EPHB2: variants seen among roughly 807,000 people sequenced by gnomAD.
The protein encoded by EPHB2 is EPH receptor B2.
In EPHB2, 18 loss-of-function variants were observed where a neutral mutation model predicts 96.4. The observed-to-expected ratio is 0.19, with a 90% CI of 0.13 to 0.28. The LOEUF is 0.28. Among genes scored for constraint, EPHB2 ranks in the 10% least tolerant of loss-of-function variants. The pLI is 1.00. For missense variants in EPHB2, 989 were observed against 1,355.4 expected, an observed-to-expected ratio of 0.73 and a Z score of 4.25; for synonymous variants, 506 against 534.1, an observed-to-expected ratio of 0.95 and a Z score of 0.72.
At chr1:22,808,074 C>A (rs1644951767) in intron 3 of EPHB2, among the ~76,000 whole-genome samples, 1 of 151,152 alleles carries the variant, frequency 6.6e-6, no homozygotes, top group Admixed American at 6.6e-5. Context: ...ACGGAGGTTG[C>A]AGTGAGCCGA....
At chr1:22,727,405 TC>T (rs774284020) in intron 1 of EPHB2, among the ~76,000 whole-genome samples, 10 of 152,314 alleles carry the variant, frequency 6.6e-5, no homozygotes, top group Non-Finnish European at 7.4e-5. Flanking sequence ...GCCCCACAGC[TC>T]CCAGGGGGCT....
intron 6 of EPHB2, 54 bp downstream of exon 6, chr1:22,882,537 C>T (rs1049342098): frequency 5.0e-5 from 81 of 1,608,668 alleles, no homozygotes; most frequent in Non-Finnish European, 6.8e-5. Context: ...GGGCCCCTCT[C>T]CCAGGCTGAG....
chr1:22,717,964 G>GC (rs1186837911), intron 1 of EPHB2, among the ~76,000 whole-genome samples: 1 of 152,194 alleles, frequency 6.6e-6, no homozygotes, highest in African/African-American at 2.4e-5. Context: ...ATGGTTGTGA[G>GC]CAATGGATGT....
chr1:22,744,378 G>T (rs754517773), intron 1 of EPHB2, among the ~76,000 whole-genome samples: 2 of 151,304 alleles, frequency 1.3e-5, no homozygotes, highest in East Asian at 3.9e-4. Flanking sequence ...GCCTACTGTC[G>T]ACCAGAAGCC....
intron 5 of EPHB2, among the ~76,000 whole-genome samples, chr1:22,873,341 C>T (rs1289872506): frequency 1.3e-5 from 2 of 152,226 alleles, no homozygotes; most frequent in Non-Finnish European, 2.9e-5. Context: ...AACAACTCTG[C>T]TCCAACATGT....
rs1299839808 is a variant in EPHB2, at chr1:22,733,346, G to A, written c.61+22303G>A. Among the ~76,000 whole-genome samples the A allele has an allele frequency of 6.6e-6, 1 of 152,134 alleles. No individual in the cohort carries two copies. Among genetic ancestry groups the A allele is most frequent in the African/African-American group, 2.4e-5 (1 of 41,412 alleles). The stretch of plus-strand genomic sequence containing the variant: ...TTGCAGGCGTGAACCACTGTGGCTG[G>A]CCCAGGCTGCCTTTCTAACCAGCCT... On this transcript the variant is annotated intron_variant, in intron 1 of 15. Coordinates refer to ENST00000374630, the MANE Select transcript of EPHB2 (RefSeq NM_017449.5). This position sits in a 1 kb window ranked among gnomAD's most constrained non-coding sequence, Gnocchi z 4.6.
At chr1:22,830,425 T>C (rs774053508) in intron 3 of EPHB2, among the ~76,000 whole-genome samples, 12 of 152,182 alleles carry the variant, frequency 7.9e-5, no homozygotes, top group Non-Finnish European at 1.5e-4. Context: ...TATTGCTGAG[T>C]ACACTGGGCA....
chr1:22,902,940 G>A (rs964643753), intron 9 of EPHB2, among the ~76,000 whole-genome samples: 1 of 152,238 alleles, frequency 6.6e-6, no homozygotes, highest in African/African-American at 2.4e-5. Context: ...AAAAGAAAGA[G>A]AGAGTGTTCC....
chr1:22,881,012 C>T (rs1468922508), intron 5 of EPHB2, among the ~76,000 whole-genome samples: 2 of 152,200 alleles, frequency 1.3e-5, no homozygotes, highest in Non-Finnish European at 2.9e-5. Context: ...TGGCTCACGC[C>T]TGTAATCCCA....
rs189812186 is a variant in EPHB2, at chr1:22,819,097, C to T, written c.811+34021C>T. The stretch of plus-strand genomic sequence containing the variant: ...TGAGACCTTAGGATAGTGTCTTCCC[C>T]TCTCTGTGCCTTTGCTGCCGAGGAG... On this transcript the variant is annotated intron_variant, in intron 3 of 15. Transcript: ENST00000374630. Among the ~76,000 whole-genome samples, 326 of 152,268 alleles carry T rather than the reference C, an allele frequency of 2.1e-3. 2 individuals are homozygous for T. The highest frequency in any genetic ancestry group is 7.5e-3 in the African/African-American group (310 of 41,550).
rs79513306 is a variant in EPHB2 at position 22,720,674 on chromosome 1, G to A, written c.61+9631G>A. ...AGAAATCTCATTCCCCCCCCCCCCCGCCCCAGCACTTACCCCCGAATTGTC... is the reference window on the plus strand; with the variant it reads ...AGAAATCTCATTCCCCCCCCCCCCCACCCCAGCACTTACCCCCGAATTGTC... On this transcript the variant is annotated intron_variant, in intron 1 of 15. Coordinates refer to ENST00000374630, the MANE Select transcript of EPHB2 (RefSeq NM_017449.5). Among the ~76,000 whole-genome samples, 20 of 51,208 alleles carry A rather than the reference G, an allele frequency of 3.9e-4. No individual in the cohort carries two copies. In the South Asian group the frequency reaches 0.012, roughly 31 times the overall value. The allele number at this position is 51,208 out of a possible 152,430, so 33.6% of individuals were successfully genotyped here.
At chr1:22,726,752 T>TA (rs1424643605) in intron 1 of EPHB2, among the ~76,000 whole-genome samples, 1 of 152,122 alleles carries the variant, frequency 6.6e-6, no homozygotes, top group Non-Finnish European at 1.5e-5. Context: ...ATTTTGCAGG[T>TA]AAAAAAGCAG....
At chr1:22,804,769 CCCG>C (rs1462390025) in intron 3 of EPHB2, among the ~76,000 whole-genome samples, 1 of 151,986 alleles carries the variant, frequency 6.6e-6, no homozygotes, top group Non-Finnish European at 1.5e-5. Flanking sequence ...TCTCTTTGCC[CCCG>C]CCTCTGTCCC....
intron 1 of EPHB2, among the ~76,000 whole-genome samples, chr1:22,731,163 T>C (rs191399300): frequency 3.3e-5 from 5 of 152,314 alleles, no homozygotes; most frequent in Admixed American, 3.3e-4. Flanking sequence ...TGTAAATTGA[T>C]AATGTATTGA....
intron 9 of EPHB2, among the ~76,000 whole-genome samples, chr1:22,896,969 A>T (rs564908746): frequency 6.6e-6 from 1 of 152,346 alleles, no homozygotes; most frequent in African/African-American, 2.4e-5. Flanking sequence ...AATAAATAAG[A>T]TGATGAGGAC....
chr1:22,720,753 A>G (rs1248450077), intron 1 of EPHB2, among the ~76,000 whole-genome samples: 1 of 143,066 alleles, frequency 7.0e-6, no homozygotes, highest in Non-Finnish European at 1.5e-5. Flanking sequence ...TTCACTATGT[A>G]CAGCACAAGG....
intron 1 of EPHB2, among the ~76,000 whole-genome samples, chr1:22,766,847 C>A (rs916460755): frequency 1.3e-5 from 2 of 152,204 alleles, no homozygotes; most frequent in African/African-American, 4.8e-5. Context: ...CTATCACCAC[C>A]AATACAGAAT....
intron 1 of EPHB2, among the ~76,000 whole-genome samples, chr1:22,761,718 C>G (rs952070017): frequency 6.6e-6 from 1 of 152,250 alleles, no homozygotes; most frequent in African/African-American, 2.4e-5. Context: ...CCTGGACGCC[C>G]TTCCCTGCCA....
At chr1:22,849,365 G>C (rs1645590597) in intron 3 of EPHB2, among the ~76,000 whole-genome samples, 1 of 152,070 alleles carries the variant, frequency 6.6e-6, no homozygotes, top group South Asian at 2.1e-4. Context: ...ATTTCCATCT[G>C]TCTATTGCTT....
Sources: gnomAD v4.1 joint callset for allele counts (sites outside exome capture counted in the v4.1 genomes callset) on GRCh38, gnomAD v4.1.1 for gene constraint, Gnocchi (gnomAD v3.1) non-coding constraint, MANE v1.5 for transcripts, NCBI Gene and HGNC (gene_info 2026-07-23, HGNC 2026-07-21) for gene names.